Variants in PXT1 observed in about 807,000 individuals in gnomAD.
The protein encoded by PXT1 is peroxisomal testis-specific protein 1.
In PXT1, 11 loss-of-function variants were observed where a neutral mutation model predicts 11.0. The ratio of observed to expected loss-of-function variants is 1.00; its 90% CI spans 0.63 to 1.66. PXT1 has a LOEUF of 1.66. Among genes scored for constraint, PXT1 ranks in the 40% most tolerant of loss-of-function variants. The probability of loss-of-function intolerance (pLI) is 0.00; values close to 1 mark genes in which losing one functional copy is unlikely to be tolerated. For synonymous variants in PXT1, 43 were observed against 51.4 expected, an observed-to-expected ratio of 0.84 and a Z score of 0.70; for missense variants, 141 against 155.5, an observed-to-expected ratio of 0.91 and a Z score of 0.49.
intron 3 of PXT1, among the ~76,000 whole-genome samples, chr6:36,418,917 T>C (rs2127414978): frequency 6.6e-6 from 1 of 152,170 alleles, no homozygotes; most frequent in African/African-American, 2.4e-5. Context: ...GGGGAGATAG[T>C]GTGGGGCAGG....
intron 4 of PXT1, among the ~76,000 whole-genome samples, chr6:36,394,997 G>A (rs1017082859): frequency 1.3e-5 from 2 of 151,414 alleles, no homozygotes; most frequent in Middle Eastern, 6.8e-3. Context: ...GTAGAGACAG[G>A]GATCTCAAAC....
intron 3 of PXT1, among the ~76,000 whole-genome samples, chr6:36,424,843 A>C (rs928814983): frequency 6.6e-6 from 1 of 152,040 alleles, no homozygotes; most frequent in Non-Finnish European, 1.5e-5. Context: ...TAAAAATACA[A>C]AAATTAGCCG....
At chr6:36,439,334 G>A (rs1774820787) in intron 1 of PXT1, among the ~76,000 whole-genome samples, 2 of 151,594 alleles carry the variant, frequency 1.3e-5, no homozygotes, top group African/African-American at 2.4e-5. Context: ...TAAGGTGGCT[G>A]GGAGTGGTGG....
chr6:36,409,868 GA>G (rs1774341533), intron 3 of PXT1, among the ~76,000 whole-genome samples: 1 of 71,018 alleles, frequency 1.4e-5, no homozygotes. Context: ...GAAGGAGAAA[GA>G]AAAGAAAAGA....
intron 1 of PXT1, among the ~76,000 whole-genome samples, chr6:36,441,859 TGAAA>T (rs368573972): frequency 1.4e-4 from 20 of 138,240 alleles, no homozygotes; most frequent in African/African-American, 5.8e-4. Flanking sequence ...GTTAACCGTG[TGAAA>T]CCTACTGAGT....
At chr6:36,440,693 T>C (rs1019877519) in intron 1 of PXT1, among the ~76,000 whole-genome samples, 1 of 152,278 alleles carries the variant, frequency 6.6e-6, no homozygotes, top group East Asian at 1.9e-4. Context: ...CAAACACCTA[T>C]GCTTTCTGTG....
chr6:36,391,815 T>G lies in PXT1; in HGVS notation c.360A>C (p.Arg120Ser). 1 of 1,613,840 alleles carries G rather than the reference T, an allele frequency of 6.2e-7. No homozygotes were observed. The highest frequency in any genetic ancestry group is 8.5e-7 in the Non-Finnish European group (1 of 1,179,892). The change falls in exon 5 of 5, where the codon AGA becomes AGC. Residue 120 changes from arginine (R) to serine (S), a missense_variant. Coordinates refer to ENST00000454782, the MANE Select transcript of PXT1 (RefSeq NM_152990.4). ...LDHFVFFFFR[R>S]VQVLLHFFWN... ...AGAAAAAATGCAGCAACACCTGAAC[T>G]CTTCTAAAGAAAAAGAAGACAAAAT...
intron 3 of PXT1, among the ~76,000 whole-genome samples, chr6:36,400,834 G>T (rs1191982696): frequency 6.6e-6 from 1 of 152,102 alleles, no homozygotes; most frequent in Non-Finnish European, 1.5e-5. Context: ...GCTGGATGTG[G>T]TGACGGGTGC....
intron 2 of PXT1, among the ~76,000 whole-genome samples, chr6:36,435,516 C>T (rs1774749411): frequency 6.6e-6 from 1 of 152,086 alleles, no homozygotes; most frequent in Admixed American, 6.6e-5. Context: ...GAGCTATGAC[C>T]ATGCCACTGC....
At chr6:36,438,352 G>A (rs1204275182) in intron 2 of PXT1, among the ~76,000 whole-genome samples, 2 of 152,106 alleles carry the variant, frequency 1.3e-5, no homozygotes, top group African/African-American at 4.8e-5. Flanking sequence ...TTGTATTTTG[G>A]CAATGTTTCA....
chr6:36,437,884 A>G (rs1774790552), intron 2 of PXT1, among the ~76,000 whole-genome samples: 1 of 131,152 alleles, frequency 7.6e-6, no homozygotes, highest in Non-Finnish European at 1.5e-5. Flanking sequence ...CAGTGGCGCT[A>G]TCTCGGCTCA....
At chr6:36,408,508 G>T in intron 3 of PXT1, among the ~76,000 whole-genome samples, 1 of 151,032 alleles carries the variant, frequency 6.6e-6, no homozygotes, top group Non-Finnish European at 1.5e-5. Flanking sequence ...ATCCTCCCTC[G>T]TTAGCCTCTC....
chr6:36,438,891 T>G lies in PXT1; in HGVS notation c.-129-5A>C, dbSNP rs1194380413. 6.6e-6 allele frequency: 1 copy of G among 152,240 alleles called. No individual in the cohort carries two copies. Among genetic ancestry groups the G allele is most frequent in the Admixed American group, 6.5e-5 (1 of 15,282 alleles). 9.4% of individuals were successfully genotyped at this position (152,240 alleles called of 1,614,324 possible). On this transcript the variant is annotated splice_region_variant and splice_polypyrimidine_tract_variant and intron_variant, in intron 1 of 4. Coordinates refer to ENST00000454782, the MANE Select transcript of PXT1 (RefSeq NM_152990.4). ...ATACCATTTGTTGGAGGTTCTCTGT[T>G]TTTAAAGAGAGGGGGATGAAAAGTA... is the stretch of plus-strand genomic sequence containing the variant.
At chr6:36,412,754 C>G (rs1336924711) in intron 3 of PXT1, among the ~76,000 whole-genome samples, 1 of 151,798 alleles carries the variant, frequency 6.6e-6, no homozygotes, top group Non-Finnish European at 1.5e-5. Flanking sequence ...AGCCACTGCA[C>G]CTGGCCTGTT....
intron 3 of PXT1, among the ~76,000 whole-genome samples, chr6:36,404,612 G>A (rs1360853147): frequency 2.0e-5 from 3 of 151,536 alleles, no homozygotes; most frequent in Admixed American, 6.6e-5. Flanking sequence ...GTGCACCACC[G>A]TGCCCGGACT....
chr6:36,395,106 T>C (rs1319982722), intron 4 of PXT1, among the ~76,000 whole-genome samples: 2 of 152,130 alleles, frequency 1.3e-5, no homozygotes, highest in Non-Finnish European at 2.9e-5. Flanking sequence ...ATTACAGGTG[T>C]GAGCCACTGT....
intron 2 of PXT1, among the ~76,000 whole-genome samples, chr6:36,434,478 CTA>C (rs1425648683): frequency 6.6e-6 from 1 of 152,008 alleles, no homozygotes. Flanking sequence ...GAATTGTGGC[CTA>C]TTTTGAAAAG....
At chr6:36,403,227 A>G (rs1475748626) in intron 3 of PXT1, among the ~76,000 whole-genome samples, 2 of 152,238 alleles carry the variant, frequency 1.3e-5, no homozygotes, top group African/African-American at 4.8e-5. Flanking sequence ...GGTTTAGAGC[A>G]GTTGAGTAAC....
chr6:36,400,537 G>A lies in PXT1; in HGVS notation c.217C>T (p.His73Tyr). 1.2e-6 allele frequency: 2 copies of A among 1,613,914 alleles called. No homozygotes were observed. Among genetic ancestry groups the A allele is most frequent in the Non-Finnish European group, 1.7e-6 (2 of 1,179,862 alleles). ...QPKEHSIVQK[H>Y]HQEEIIHKLA... Reference sequence around the variant, plus strand: ...TTGTGAATTATTTCCTCCTGGTGATGCTTCTGAACAATGCTATGCTCCTTG... The same window carrying A: ...TTGTGAATTATTTCCTCCTGGTGATACTTCTGAACAATGCTATGCTCCTTG... The change falls in exon 4 of 5, where the codon CAT becomes TAT. Residue 73 changes from histidine to tyrosine, a missense_variant. By Grantham distance (83) the His-to-Tyr change is moderately conservative. Transcript: ENST00000454782.
Sources: gnomAD v4.1 joint callset for allele counts (sites outside exome capture counted in the v4.1 genomes callset) on GRCh38, gnomAD v4.1.1 for gene constraint, MANE v1.5 for transcripts, NCBI Gene and HGNC (gene_info 2026-07-23, HGNC 2026-07-21) for gene names.